Variants in NEO1 observed in about 807,000 individuals in gnomAD.
The protein encoded by NEO1 is neogenin.
NEO1 carries 63 observed loss-of-function variants against 159.7 expected under a neutral mutation model. That is an observed-to-expected ratio of 0.39 (90% CI 0.32 to 0.49). The LOEUF (loss-of-function observed/expected upper bound fraction) is 0.49, where lower values mean the gene tolerates loss of function less well. Ranked by LOEUF, NEO1 falls within the 20% of genes least tolerant of loss-of-function variation. The pLI is 0.85. For missense variants in NEO1, 1,615 were observed against 1,831.0 expected (o/e 0.88, Z 2.15); for synonymous variants, 633 against 662.0 (o/e 0.96, Z 0.67).
intron 7 of NEO1, among the ~76,000 whole-genome samples, chr15:73,226,261 G>A (rs1364951565): frequency 1.3e-5 from 2 of 152,268 alleles, no homozygotes; most frequent in African/African-American, 4.8e-5. Context: ...TAAATTCACA[G>A]TGCGAGCCTC....
chr15:73,284,768 A>G (rs2041878078), intron 23 of NEO1, among the ~76,000 whole-genome samples: 1 of 150,762 alleles, frequency 6.6e-6, no homozygotes, highest in African/African-American at 2.4e-5. Flanking sequence ...GTATTTTTTA[A>G]GTAGAGATGG....
chr15:73,209,149 C>T (rs1351365686), intron 7 of NEO1, among the ~76,000 whole-genome samples: 2 of 152,112 alleles, frequency 1.3e-5, no homozygotes, highest in Non-Finnish European at 2.9e-5. Context: ...ATTGTATTAG[C>T]TTGGGAAGGG....
At chr15:73,059,644 C>T (rs2067883755) in intron 1 of NEO1, among the ~76,000 whole-genome samples, 1 of 152,154 alleles carries the variant, frequency 6.6e-6, no homozygotes, top group Non-Finnish European at 1.5e-5. Flanking sequence ...GCCATTACTG[C>T]TGTAGGTAGA....
chr15:73,124,679 ACT>A (rs1174509855), intron 3 of NEO1, among the ~76,000 whole-genome samples: 1 of 151,928 alleles, frequency 6.6e-6, no homozygotes, highest in East Asian at 1.9e-4. Context: ...TTCCTTGAAC[ACT>A]CTGTTTAAAA....
intron 7 of NEO1, among the ~76,000 whole-genome samples, chr15:73,219,172 C>A (rs1205131914): frequency 6.6e-6 from 1 of 151,922 alleles, no homozygotes; most frequent in Non-Finnish European, 1.5e-5. Flanking sequence ...GCCTTCATTT[C>A]GTTATGTACC....
chr15:73,191,178 C>A (rs1267974963), intron 7 of NEO1, among the ~76,000 whole-genome samples: 1 of 152,032 alleles, frequency 6.6e-6, no homozygotes, highest in Admixed American at 6.6e-5. Context: ...ATGTCCCAGT[C>A]CCACTGTGGA....
chr15:73,146,400 G>A (rs2151810581), intron 5 of NEO1, among the ~76,000 whole-genome samples: 1 of 152,268 alleles, frequency 6.6e-6, no homozygotes, highest in South Asian at 2.1e-4. Context: ...TATGCTATCT[G>A]TATTCAGAAT....
chr15:73,072,596 G>A (rs1318562600), intron 1 of NEO1, among the ~76,000 whole-genome samples: 1 of 152,134 alleles, frequency 6.6e-6, no homozygotes. Context: ...GATAGGGTAG[G>A]AATACATGTA....
chr15:73,275,525 C>T (rs1001672945), intron 21 of NEO1, among the ~76,000 whole-genome samples: 1 of 151,992 alleles, frequency 6.6e-6, no homozygotes, highest in Non-Finnish European at 1.5e-5. Flanking sequence ...CATGGTGGTG[C>T]GCACCTATAA....
chr15:73,235,514 G>A (rs1008740693), intron 7 of NEO1, among the ~76,000 whole-genome samples: 1 of 152,160 alleles, frequency 6.6e-6, no homozygotes, highest in Non-Finnish European at 1.5e-5. Flanking sequence ...CCTCGCCACT[G>A]CTTCCTTTCT....
At chr15:73,179,177 A>G (rs932329758) in intron 7 of NEO1, among the ~76,000 whole-genome samples, 2 of 152,220 alleles carry the variant, frequency 1.3e-5, no homozygotes, top group African/African-American at 2.4e-5. Flanking sequence ...AGGAATTAAC[A>G]TTGATATTGG....
At chr15:73,156,206 G>T (rs997607254) in intron 5 of NEO1, among the ~76,000 whole-genome samples, 7 of 152,170 alleles carry the variant, frequency 4.6e-5, no homozygotes, top group Non-Finnish European at 8.8e-5. Flanking sequence ...TAAGGATTCT[G>T]TGTGATTTCC....
chr15:73,217,166 G>A (rs2037940656), intron 7 of NEO1, among the ~76,000 whole-genome samples: 1 of 149,914 alleles, frequency 6.7e-6, no homozygotes, highest in South Asian at 2.1e-4. Flanking sequence ...AGTTTTCCCA[G>A]CACTATTTAT....
chr15:73,247,762 A>G (rs1316453609), intron 9 of NEO1, among the ~76,000 whole-genome samples: 1 of 152,208 alleles, frequency 6.6e-6, no homozygotes, highest in Non-Finnish European at 1.5e-5. Flanking sequence ...AATGTCTACC[A>G]AAGTGTAGGC....
At chr15:73,280,881 GAT>G (rs2041662450) in intron 22 of NEO1, among the ~76,000 whole-genome samples, 1 of 152,024 alleles carries the variant, frequency 6.6e-6, no homozygotes, top group South Asian at 2.1e-4. Flanking sequence ...TTGTGGAAGG[GAT>G]TCCCACAATG....
chr15:73,295,716 T>C (rs564482447), intron 26 of NEO1, among the ~76,000 whole-genome samples: 3 of 152,284 alleles, frequency 2.0e-5, no homozygotes, highest in South Asian at 4.1e-4. Context: ...TTTTTCACGA[T>C]TGTACTTTGC....
rs765282804 is a variant in NEO1 at position 73,236,184 on chromosome 15, C to G, written c.1292-163C>G. On this transcript the variant is annotated intron_variant, in intron 7 of 28. Transcript: ENST00000261908. The stretch of plus-strand genomic sequence containing the variant: ...TCATTCATTTTATTTTATTTCCCAT[C>G]GTGGTTTTGTTTATTTCTTTTTTGT... 7 of 868,570 alleles carry G rather than the reference C, an allele frequency of 8.1e-6. No homozygotes were observed. In the South Asian group the frequency reaches 1.2e-4, roughly 15 times the overall value. The allele number at this position is 868,570 out of a possible 1,614,324, so 53.8% of individuals were successfully genotyped here. A position where few individuals can be genotyped will look rare whatever the true frequency, so the allele number is the denominator to read the frequency against.
chr15:73,202,691 G>A (rs1389601085), intron 7 of NEO1, among the ~76,000 whole-genome samples: 1 of 152,046 alleles, frequency 6.6e-6, no homozygotes, highest in Non-Finnish European at 1.5e-5. Context: ...GTATTTCCTT[G>A]GCATTAAGTG....
chr15:73,159,521 A>G (rs2034020029), intron 5 of NEO1, among the ~76,000 whole-genome samples: 1 of 152,090 alleles, frequency 6.6e-6, no homozygotes, highest in African/African-American at 2.4e-5. Flanking sequence ...GTTTTGGCGA[A>G]AACCACATAA....
Sources: allele counts gnomAD v4.1 joint callset (sites outside exome capture counted in the v4.1 genomes callset), GRCh38; gene constraint gnomAD v4.1.1; transcripts MANE v1.5; gene names NCBI Gene and HGNC (gene_info 2026-07-23, HGNC 2026-07-21).